The following PIK3C3 variants were observed in gnomAD, a reference collection of about 807,000 sequenced individuals.
PIK3C3 encodes phosphatidylinositol 3-kinase catalytic subunit type 3.
PIK3C3 carries 95 observed loss-of-function variants against 126.1 expected under a neutral mutation model. The observed-to-expected ratio is 0.75, with a 90% CI of 0.64 to 0.89. PIK3C3 has a LOEUF of 0.89. Ranked by LOEUF, PIK3C3 falls within the 40% of genes least tolerant of loss-of-function variation. The pLI, the probability that PIK3C3 is intolerant of heterozygous loss-of-function variation, is 0.00. For synonymous variants in PIK3C3, 374 were observed against 360.0 expected, an observed-to-expected ratio of 1.04 and a Z score of -0.44; for missense variants, 829 against 1,063.2, an observed-to-expected ratio of 0.78 and a Z score of 3.06.
chr18:42,083,741 TAACTG>T lies in PIK3C3; in HGVS notation c.*2607_*2611del, dbSNP rs1986328987. 6.6e-6 allele frequency: 1 copy of T among 152,196 alleles called. No homozygotes were observed. The highest frequency in any genetic ancestry group is 6.5e-5 in the Admixed American group (1 of 15,278). 9.4% of individuals were successfully genotyped at this position (152,196 alleles called of 1,614,324 possible). A position where few individuals can be genotyped will look rare whatever the true frequency, so the allele number is the denominator to read the frequency against. ...TTGTCTCCTCATTTTTTAGTTGAAA[TAACTG>T]AAGTTTAAAGCAATTGAATCATCTG... On this transcript the variant is annotated 3_prime_UTR_variant, in exon 25 of 25. Transcript: ENST00000262039.
At chr18:42,022,260 G>A (rs886939616) in intron 13 of PIK3C3, among the ~76,000 whole-genome samples, 2 of 152,118 alleles carry the variant, frequency 1.3e-5, no homozygotes, top group Admixed American at 6.5e-5. Context: ...ATTAACATTA[G>A]GTATTTCTCC....
At chr18:42,005,734 A>G (rs1018425003) in intron 10 of PIK3C3, among the ~76,000 whole-genome samples, 1 of 151,588 alleles carries the variant, frequency 6.6e-6, no homozygotes, top group Non-Finnish European at 1.5e-5. Flanking sequence ...GTGGTATCTG[A>G]ATTTCAAGAA....
chr18:42,025,033 C>T (rs531317335), intron 13 of PIK3C3, among the ~76,000 whole-genome samples: 4 of 151,572 alleles, frequency 2.6e-5, no homozygotes, highest in East Asian at 2.0e-4. Context: ...AGGATGGTCT[C>T]GATCTCCTGA....
chr18:41,964,130 A>G (rs1980237108), intron 3 of PIK3C3, among the ~76,000 whole-genome samples: 1 of 152,142 alleles, frequency 6.6e-6, no homozygotes, highest in Non-Finnish European at 1.5e-5. Flanking sequence ...ATCTAAAATT[A>G]CTTTTGTGAA....
intron 22 of PIK3C3, among the ~76,000 whole-genome samples, chr18:42,061,416 C>T (rs1452475476): frequency 1.3e-5 from 2 of 152,062 alleles, no homozygotes; most frequent in Non-Finnish European, 1.5e-5. Context: ...AACCCTGTCT[C>T]TACTAAAAAT....
At chr18:42,063,655 AGTCATTTTT>A (rs1985414994) in intron 22 of PIK3C3, among the ~76,000 whole-genome samples, 1 of 152,186 alleles carries the variant, frequency 6.6e-6, no homozygotes, top group African/African-American at 2.4e-5. Flanking sequence ...TTATATGGAT[AGTCATTTTT>A]CTATAAAAGT....
chr18:42,066,151 A>G (rs913026748), intron 23 of PIK3C3, among the ~76,000 whole-genome samples: 2 of 152,198 alleles, frequency 1.3e-5, no homozygotes, highest in African/African-American at 2.4e-5. Context: ...GAGCTAGTTC[A>G]TTGAAGATAC....
chr18:41,974,627 G>A (rs1289788915), intron 4 of PIK3C3, among the ~76,000 whole-genome samples: 4 of 140,946 alleles, frequency 2.8e-5, no homozygotes, highest in Admixed American at 7.7e-5. Context: ...GTGTCTTTCC[G>A]TTTGAATTGA....
intron 4 of PIK3C3, among the ~76,000 whole-genome samples, chr18:41,981,915 C>T (rs145704242): frequency 5.6e-4 from 84 of 151,146 alleles, no homozygotes; most frequent in African/African-American, 1.8e-3. Context: ...GCCTGGGAGG[C>T]GGAGGTTGTG....
At chr18:42,080,002 T>A (rs201203360) in intron 24 of PIK3C3, among the ~76,000 whole-genome samples, 16,405 of 130,794 alleles carry the variant, frequency 0.13, 1,573 homozygotes, top group African/African-American at 0.27. Flanking sequence ...AGAGAGAGTG[T>A]GTGTGTGTGT....
At chr18:42,064,616 C>T (rs1985457721) in intron 22 of PIK3C3, 124 bp from the exon 23 acceptor site, 4 of 583,224 alleles carry the variant, frequency 6.9e-6, no homozygotes, top group South Asian at 2.3e-5. Flanking sequence ...GATGAATTTT[C>T]TGCTGGAATA....
At chr18:41,997,100 G>A (rs554922277) in intron 9 of PIK3C3, among the ~76,000 whole-genome samples, 7 of 152,252 alleles carry the variant, frequency 4.6e-5, no homozygotes, top group South Asian at 2.1e-4. Context: ...AAGTAACCTG[G>A]TAGAGTATCT....
At chr18:42,009,564 T>G (rs1982703048) in intron 10 of PIK3C3, among the ~76,000 whole-genome samples, 1 of 152,134 alleles carries the variant, frequency 6.6e-6, no homozygotes, top group Non-Finnish European at 1.5e-5. Context: ...TATAGTAAAT[T>G]ATACTGTAGT....
chr18:42,014,174 C>T (rs1982960645), intron 11 of PIK3C3, among the ~76,000 whole-genome samples: 1 of 140,752 alleles, frequency 7.1e-6, no homozygotes, highest in African/African-American at 2.7e-5. Context: ...CACCAGTGCG[C>T]TCCAGCCTGG....
At chr18:42,051,046 C>G (rs534214723) in intron 21 of PIK3C3, 4 of 152,202 alleles carry the variant, frequency 2.6e-5, no homozygotes, top group African/African-American at 9.7e-5. Flanking sequence ...CTGAAGTTAC[C>G]TTTTTTGTTT....
intron 12 of PIK3C3, among the ~76,000 whole-genome samples, chr18:42,017,505 A>AT (rs1164090479): frequency 6.6e-6 from 1 of 151,924 alleles, no homozygotes; most frequent in Non-Finnish European, 1.5e-5. Flanking sequence ...CTGTCCTAAC[A>AT]TTTTTTTCTG....
intron 1 of PIK3C3, 79 bp from the exon 2 acceptor site, chr18:41,957,491 G>A (rs1598841425): frequency 7.3e-7 from 1 of 1,375,404 alleles, no homozygotes; most frequent in Non-Finnish European, 1.0e-6. Context: ...AAGCATATAT[G>A]TACATGCTTA....
chr18:42,060,334 A>AG (rs1985259681), intron 22 of PIK3C3, among the ~76,000 whole-genome samples: 1 of 152,212 alleles, frequency 6.6e-6, no homozygotes, highest in Admixed American at 6.5e-5. Context: ...TGGTTACAAA[A>AG]TACATTATCA....
chr18:42,027,152 T>G (rs1481127899), intron 13 of PIK3C3: 1 of 202,120 alleles, frequency 4.9e-6, no homozygotes, highest in Non-Finnish European at 1.0e-5. Flanking sequence ...ATGTTAATAC[T>G]CTACCTCATA....
Sources: gnomAD v4.1 joint callset for allele counts (sites outside exome capture counted in the v4.1 genomes callset) on GRCh38, gnomAD v4.1.1 for gene constraint, MANE v1.5 for transcripts, NCBI Gene and HGNC (gene_info 2026-07-23, HGNC 2026-07-21) for gene names.